Variants in TSC2 observed in about 807,000 individuals in gnomAD.
TSC2 encodes the protein tuberin.
In TSC2, 29 loss-of-function variants were observed where a neutral mutation model predicts 202.2. That is an observed-to-expected ratio of 0.14 (90% CI 0.11 to 0.20). TSC2 has a LOEUF of 0.20. TSC2 is among the 10% of genes least tolerant of loss of function. The pLI is 1.00. For synonymous variants in TSC2, 1,349 were observed against 1,044.0 expected (o/e 1.29, Z -5.63); for missense variants, 2,429 against 2,420.0 (o/e 1.00, Z -0.08).
chr16:2,061,707 C>A, intron 11 of TSC2, 164 bp from the exon 12 acceptor site: 1 of 1,177,606 alleles, frequency 8.5e-7, no homozygotes, highest in Non-Finnish European at 1.2e-6. Flanking sequence ...ACCCATGAGG[C>A]CCGGAGCGGC....
At chr16:2,049,839 A>C (rs2150987686) in intron 2 of TSC2, among the ~76,000 whole-genome samples, 1 of 152,010 alleles carries the variant, frequency 6.6e-6, no homozygotes, top group South Asian at 2.1e-4. Context: ...AAAATTGTGC[A>C]GTTTGAAATT....
chr16:2,076,220 C>T (rs759683550), intron 24 of TSC2, 50 bp downstream of exon 24: 5 of 1,610,874 alleles, frequency 3.1e-6, no homozygotes, highest in Non-Finnish European at 4.2e-6. Flanking sequence ...CCAGGGCTTG[C>T]TTTGCCCTTG....
intron 3 of TSC2, 87 bp downstream of exon 3, chr16:2,050,573 C>A: frequency 9.7e-7 from 1 of 1,034,868 alleles, no homozygotes; most frequent in Non-Finnish European, 1.5e-6. Context: ...TGGTTGACAG[C>A]TGACTGCCGA....
intron 1 of TSC2, 98 bp downstream of exon 1, chr16:2,048,163 G>A: frequency 6.5e-7 from 1 of 1,537,022 alleles, no homozygotes; most frequent in South Asian, 1.2e-5. Flanking sequence ...CCTCACCCGC[G>A]CCCACTGCAA....
In TSC2 at chr16:2,086,310, C is replaced by T. The variant is rs45511204; in HGVS notation, c.4780C>T (p.Leu1594=). 3.7e-6 allele frequency: 6 copies of T among 1,612,938 alleles called. No individual in the cohort carries two copies. Among genetic ancestry groups the T allele is most frequent in the Non-Finnish European group, 5.1e-6 (6 of 1,179,956 alleles). ...LKDCQPDKVY[L]GGLDVCGEDG... is the part of the protein sequence containing the mutation. ...GGACTGCCAGCCGGACAAGGTGTAC[C>T]TGGGAGGCCTGGACGTGTGTGGTGA... The change falls in exon 37 of 42, where the codon CTG becomes TTG. Residue 1594 remains leucine, a synonymous_variant. Transcript: ENST00000219476.
intron 41 of TSC2, 49 bp from the exon 42 acceptor site, chr16:2,088,397 C>CGGTTGCCACGCCTCCCAGACT: frequency 6.2e-7 from 1 of 1,612,122 alleles, no homozygotes; most frequent in Non-Finnish European, 8.5e-7. Context: ...GTGGGCAGAG[C>CGGTTGCCACGCCTCCCAGACT]GGTTGCCACG....
intron 17 of TSC2, chr16:2,071,309 A>C: frequency 1.6e-6 from 1 of 635,980 alleles, no homozygotes; most frequent in Non-Finnish European, 2.9e-6. Flanking sequence ...GAGGCAAGGG[A>C]GGGAGGAGGC....
intron 16 of TSC2, among the ~76,000 whole-genome samples, chr16:2,070,169 C>G (rs2088050810): frequency 6.6e-6 from 1 of 152,182 alleles, no homozygotes. Flanking sequence ...GCAGCACACA[C>G]TCCCCGCCCC....
chr16:2,067,634 G>T (rs2087580881), intron 16 of TSC2, among the ~76,000 whole-genome samples: 1 of 152,194 alleles, frequency 6.6e-6, no homozygotes, highest in Admixed American at 6.5e-5. Flanking sequence ...GCCGGGCGTG[G>T]TGGCGCATGC....
chr16:2,070,696 G>A lies in TSC2; in HGVS notation c.1839+118G>A, dbSNP rs1029888501. On this transcript the variant is annotated intron_variant, in intron 17 of 41. Transcript: ENST00000219476. The stretch of plus-strand genomic sequence containing the variant: ...CCCCAGGATGGGGCCTCAGCTGACC[G>A]TCCCTCCTCTGCACCCACTGTGGCC... 309 of 1,517,216 alleles carry A rather than the reference G, an allele frequency of 2.0e-4. 1 individual carries two copies. Among genetic ancestry groups the A allele is most frequent in the East Asian group, 1.7e-4 (7 of 41,380 alleles). 94.0% of individuals were successfully genotyped at this position (1,517,216 alleles called of 1,614,324 possible). A position where few individuals can be genotyped will look rare whatever the true frequency, so the allele number is the denominator to read the frequency against.
chr16:2,083,358 C>T (rs1475929279), intron 32 of TSC2: 2 of 480,876 alleles, frequency 4.2e-6, no homozygotes, highest in African/African-American at 3.9e-5. Flanking sequence ...TTTCAGGCTC[C>T]CGCTCTTTTA....
chr16:2,074,666 CCT>C (rs923182174), intron 22 of TSC2: 18 of 529,550 alleles, frequency 3.4e-5, no homozygotes, highest in Middle Eastern at 5.1e-4. Context: ...TTTTGGGCCT[CCT>C]CTCTGTCCAA....
chr16:2,081,412 G>C, intron 30 of TSC2, 183 bp from the exon 31 acceptor site: 1 of 767,638 alleles, frequency 1.3e-6, no homozygotes, highest in Non-Finnish European at 2.2e-6. Flanking sequence ...TCGAGGCAGG[G>C]GCTGAGCGGG....
At chr16:2,063,796 C>T (rs1034006887) in intron 14 of TSC2, 25 of 266,698 alleles carry the variant, frequency 9.4e-5, no homozygotes, top group African/African-American at 5.5e-4. Context: ...GGTCTCTGTT[C>T]CTGTGGAACT....
chr16:2,082,411 G>C, intron 31 of TSC2, 25 bp from the exon 32 acceptor site: 1 of 1,612,066 alleles, frequency 6.2e-7, no homozygotes, highest in South Asian at 1.1e-5. Flanking sequence ...CTGCTGACGT[G>C]GCCGCACACG....
chr16:2,072,064 C>G (rs1055192971), intron 19 of TSC2, 130 bp downstream of exon 19: 2 of 1,480,636 alleles, frequency 1.4e-6, no homozygotes, highest in African/African-American at 2.8e-5. Context: ...CTGAGCCTTC[C>G]CCCTTCCCCG....
In TSC2 at chr16:2,054,340, C is replaced by G. The variant is rs2085502591; in HGVS notation, c.381C>G (p.Ile127Met). ...GVLRALFFKV[I>M]KDYPSNEDLH... Reference sequence around the variant, plus strand: ...TCAGAGCCCTCTTCTTTAAGGTCATCAAGGATTACCCTTCCAACGAAGACC... The same window carrying G: ...TCAGAGCCCTCTTCTTTAAGGTCATGAAGGATTACCCTTCCAACGAAGACC... Residue 127 changes from isoleucine to methionine, a missense_variant, in exon 5 of 42, where the codon ATC becomes ATG. Physicochemically the swap from Ile to Met is conservative, Grantham distance 10. Coordinates refer to ENST00000219476, the MANE Select transcript of TSC2 (RefSeq NM_000548.5). The G allele has an allele frequency of 6.2e-7, 1 of 1,614,072 alleles. No homozygotes were observed.
intron 25 of TSC2, 115 bp from the exon 26 acceptor site, chr16:2,077,483 C>T (rs1413055599): frequency 6.6e-7 from 1 of 1,518,648 alleles, no homozygotes; most frequent in African/African-American, 1.4e-5. Context: ...CGCGGGATCT[C>T]TCCATCCTGA....
intron 14 of TSC2, chr16:2,063,372 A>G: frequency 3.9e-6 from 2 of 512,294 alleles, no homozygotes; most frequent in Non-Finnish European, 3.6e-6. Flanking sequence ...CCAGTCTTGC[A>G]TGGGGACATT....
Sources: allele counts gnomAD v4.1 joint callset (sites outside exome capture counted in the v4.1 genomes callset), GRCh38; gene constraint gnomAD v4.1.1; transcripts MANE v1.5; gene names NCBI Gene and HGNC (gene_info 2026-07-23, HGNC 2026-07-21).